Variants in RELN observed in about 807,000 individuals in gnomAD.
RELN encodes the protein reelin.
RELN carries 108 observed loss-of-function variants against 427.6 expected under a neutral mutation model. The ratio of observed to expected loss-of-function variants is 0.25; its 90% confidence interval spans 0.22 to 0.30. RELN has a LOEUF of 0.30. Among genes scored for constraint, RELN ranks in the 10% least tolerant of loss-of-function variants. The pLI is 1.00. For missense variants in RELN, 3,715 were observed against 4,302.8 expected, an observed-to-expected ratio of 0.86 and a Z score of 3.82; for synonymous variants, 1,524 against 1,513.4, an observed-to-expected ratio of 1.01 and a Z score of -0.16.
intron 20 of RELN, among the ~76,000 whole-genome samples, chr7:103,619,076 T>A (rs1181456806): frequency 6.6e-6 from 1 of 151,704 alleles, no homozygotes; most frequent in Non-Finnish European, 1.5e-5. Context: ...GCCACTGCAC[T>A]CCAGCCTGGG....
At chr7:103,515,051 G>T in intron 50 of RELN, 134 bp downstream of exon 50, 1 of 1,110,934 alleles carries the variant, frequency 9.0e-7, no homozygotes, top group Non-Finnish European at 1.3e-6. Flanking sequence ...GGAACAAAAG[G>T]ATGACACCCT....
intron 36 of RELN, among the ~76,000 whole-genome samples, chr7:103,558,708 C>G (rs1391825581): frequency 6.6e-6 from 1 of 152,218 alleles, no homozygotes; most frequent in African/African-American, 2.4e-5. Flanking sequence ...GGATTGACAA[C>G]TCGAAAGGTT....
chr7:103,567,718 T>C (rs1378791709), intron 31 of RELN, among the ~76,000 whole-genome samples: 1 of 151,764 alleles, frequency 6.6e-6, no homozygotes, highest in Non-Finnish European at 1.5e-5. Context: ...CTAGGGATAC[T>C]GAACTATTTT....
At chr7:103,677,888 C>T (rs182267555) in intron 11 of RELN, among the ~76,000 whole-genome samples, 5 of 151,570 alleles carry the variant, frequency 3.3e-5, no homozygotes, top group East Asian at 3.9e-4. Context: ...AATAATGAGA[C>T]GCCTTTTGTA....
chr7:103,969,535 T>C (rs186122682), intron 1 of RELN, among the ~76,000 whole-genome samples: 2 of 152,190 alleles, frequency 1.3e-5, no homozygotes, highest in East Asian at 3.9e-4. Flanking sequence ...AGGAGAAAAA[T>C]TTTCTATTAA....
intron 11 of RELN, among the ~76,000 whole-genome samples, chr7:103,666,147 C>G (rs778595505): frequency 1.3e-5 from 2 of 151,822 alleles, no homozygotes; most frequent in Non-Finnish European, 2.9e-5. Context: ...TCATGGTAGC[C>G]TTAACGTCTT....
intron 36 of RELN, 57 bp downstream of exon 36, chr7:103,561,475 C>T: frequency 2.4e-6 from 3 of 1,275,936 alleles, no homozygotes; most frequent in South Asian, 2.4e-5. Flanking sequence ...TGAGCAGTGA[C>T]TGAAGAAGAC....
intron 33 of RELN, among the ~76,000 whole-genome samples, chr7:103,565,974 T>A (rs1199438538): frequency 6.1e-4 from 1 of 1,652 alleles, no homozygotes; most frequent in Non-Finnish European, 8.2e-4. Flanking sequence ...TGTCCTCTCA[T>A]AGATTTTTTT....
Position 103,565,473 on chromosome 7 carries a change from C to T in RELN, c.5015G>A (p.Cys1672Tyr). ...TFLQFEMSMG[C>Y]SKPFSNSHSV... ...GTGGGAGTTGCTGAAGGGCTTGCTA[C>T]AGCCCATGCTCATTTCAAACTGCAA... The change falls in exon 34 of 65, where the codon TGT (cysteine) becomes TAT (tyrosine). Residue 1672 changes from cysteine (C) to tyrosine (Y), a missense_variant. Around this residue, in one of 4 missense-constraint regions of RELN, gnomAD observed 2,208 missense variants for 2,361.7 expected, o/e 0.93. Transcript: ENST00000428762. The T allele has an allele frequency of 1.2e-6, 2 of 1,613,710 alleles. No homozygotes were observed. The highest frequency in any genetic ancestry group is 1.7e-6 in the Non-Finnish European group (2 of 1,179,870).
At chr7:103,800,461 C>G (rs909654804) in intron 3 of RELN, among the ~76,000 whole-genome samples, 1 of 152,102 alleles carries the variant, frequency 6.6e-6, no homozygotes, top group African/African-American at 2.4e-5. Context: ...ACAAACCTGA[C>G]AAAAACAAGA....
chr7:103,798,870 G>A (rs2116302630), intron 3 of RELN, among the ~76,000 whole-genome samples: 1 of 152,294 alleles, frequency 6.6e-6, no homozygotes, highest in South Asian at 2.1e-4. Flanking sequence ...CTCCAAACCA[G>A]CCTTCCTCCC....
intron 8 of RELN, among the ~76,000 whole-genome samples, chr7:103,722,064 G>A (rs1158129449): frequency 6.6e-6 from 1 of 152,108 alleles, no homozygotes; most frequent in Non-Finnish European, 1.5e-5. Flanking sequence ...GATCACACAT[G>A]GACTTCTGAA....
At chr7:103,795,970 A>G (rs1269649045) in intron 3 of RELN, among the ~76,000 whole-genome samples, 1 of 152,230 alleles carries the variant, frequency 6.6e-6, no homozygotes, top group Non-Finnish European at 1.5e-5. Flanking sequence ...TCATTGCTGT[A>G]GCAACTGCCA....
At chr7:103,918,579 C>T (rs989463878) in intron 1 of RELN, among the ~76,000 whole-genome samples, 2 of 152,114 alleles carry the variant, frequency 1.3e-5, no homozygotes, top group African/African-American at 4.8e-5. Context: ...TCAAGTATTT[C>T]GTTCACTGAT....
chr7:103,520,188 T>G (rs1829667321), intron 48 of RELN, among the ~76,000 whole-genome samples: 1 of 152,184 alleles, frequency 6.6e-6, no homozygotes, highest in Non-Finnish European at 1.5e-5. Flanking sequence ...CTGTCCTTTA[T>G]TTTTATTAAA....
chr7:103,496,491 C>T, intron 56 of RELN, 35 bp downstream of exon 56: 2 of 1,614,066 alleles, frequency 1.2e-6, no homozygotes, highest in Non-Finnish European at 8.5e-7. Context: ...AAATGGCTCA[C>T]AGGAAAGAAA....
Position 103,652,569 on chromosome 7 carries a change from G to T in RELN, c.1745C>A (p.Thr582Lys). ...TTCCTACCTGTTACCAGGCTGATGC[G>T]TTCCACATCCCAGATTGATGGAAAA... The part of the protein sequence containing the change: ...IQFSINLGCG[T>K]HQPGNSVSLE... The change falls in exon 14 of 65, where the codon ACG (threonine) becomes AAG (lysine). Residue 582 changes from threonine (T) to lysine (K), a missense_variant. Physicochemically the swap from Thr to Lys is moderately conservative, Grantham distance 78 (BLOSUM62 -1). Transcript: ENST00000428762. The T allele has an allele frequency of 6.2e-7, 1 of 1,612,522 alleles. No homozygotes were observed. Among genetic ancestry groups the T allele is most frequent in the Non-Finnish European group, 8.5e-7 (1 of 1,179,056 alleles).
chr7:103,522,306 A>T lies in RELN; in HGVS notation c.7491-107T>A, dbSNP rs925796886. On this transcript the variant is annotated intron_variant, in intron 47 of 64. Coordinates refer to ENST00000428762, the MANE Select transcript of RELN (RefSeq NM_005045.4). ...CTTTTCCTAGTCCAAGATGATGAAA[A>T]GTTACTGATTTTCAGAGAGCTTGCC... The T allele has an allele frequency of 3.0e-5, 34 of 1,139,530 alleles. No individual in the cohort carries two copies. In the Middle Eastern group the frequency reaches 2.0e-3, roughly 66 times the overall value. 70.6% of individuals were successfully genotyped at this position (1,139,530 alleles called of 1,614,324 possible). A position where few individuals can be genotyped will look rare whatever the true frequency, so the allele number is the denominator to read the frequency against.
chr7:103,565,282 T>C lies in RELN; in HGVS notation c.5206A>G (p.Thr1736Ala), dbSNP rs1187774724. 1 of 1,613,954 alleles carries C rather than the reference T, an allele frequency of 6.2e-7. No individual in the cohort carries two copies. The highest frequency in any genetic ancestry group is 1.3e-5 in the African/African-American group (1 of 74,896). The change falls in exon 34 of 65, where the codon ACC (threonine) becomes GCC (alanine). Residue 1736 changes from threonine (T) to alanine (A), a missense_variant. This residue lies in a region of RELN where 2,208 missense variants were observed against 2,361.7 expected (regional missense o/e 0.93). Coordinates refer to ENST00000428762, the MANE Select transcript of RELN (RefSeq NM_005045.4). ...KRITVYLPLS[T>A]ISPRTRFRWI... The stretch of plus-strand genomic sequence containing the variant: ...TAGCCAAATGACAATTCTCACATGG[T>C]GGAGAGTGGAAGGTAGACAGTGATC...
Sources: gnomAD v4.1 joint callset for allele counts (sites outside exome capture counted in the v4.1 genomes callset) on GRCh38, gnomAD v4.1.1 for gene constraint, gnomAD v4.1.1 regional missense constraint, MANE v1.5 for transcripts, NCBI Gene and HGNC (gene_info 2026-07-23, HGNC 2026-07-21) for gene names.